The following PCLO variants were observed in gnomAD, a reference collection of about 807,000 sequenced individuals.
The protein encoded by PCLO is protein piccolo.
Under a neutral mutation model 427.5 loss-of-function variants are expected in PCLO, and 82 were observed. That is an observed-to-expected ratio of 0.19 (90% CI 0.16 to 0.23). The LOEUF (loss-of-function observed/expected upper bound fraction) is 0.23. PCLO is among the 10% of genes least tolerant of loss of function. The pLI is 1.00. For missense variants in PCLO, 6,239 were observed against 6,115.9 expected, an observed-to-expected ratio of 1.02 and a Z score of -0.67; for synonymous variants, 2,357 against 2,155.4, an observed-to-expected ratio of 1.09 and a Z score of -2.59.
intron 2 of PCLO, among the ~76,000 whole-genome samples, chr7:83,152,966 A>G (rs1206634468): frequency 6.6e-6 from 1 of 152,092 alleles, no homozygotes; most frequent in Non-Finnish European, 1.5e-5. Flanking sequence ...TCTTTCTTAC[A>G]TTGGATGTAG....
At chr7:82,888,858 T>A (rs910481647) in intron 9 of PCLO, among the ~76,000 whole-genome samples, 1 of 152,098 alleles carries the variant, frequency 6.6e-6, no homozygotes, top group Non-Finnish European at 1.5e-5. Context: ...ACAGAGCTAA[T>A]TGTGATCTAA....
chr7:83,051,528 A>G (rs900481333), intron 3 of PCLO, among the ~76,000 whole-genome samples: 1 of 152,192 alleles, frequency 6.6e-6, no homozygotes, highest in Non-Finnish European at 1.5e-5. Flanking sequence ...GAGGAAAACT[A>G]TACAGCTCTA....
intron 9 of PCLO, among the ~76,000 whole-genome samples, chr7:82,897,291 T>G (rs2116161601): frequency 6.6e-6 from 1 of 151,706 alleles, no homozygotes; most frequent in Admixed American, 6.6e-5. Context: ...TTGCCTTGTG[T>G]TTTGCTGAGT....
chr7:83,054,885 G>A (rs77199855), intron 3 of PCLO, among the ~76,000 whole-genome samples: 5,678 of 152,066 alleles, frequency 0.037, 184 homozygotes, highest in East Asian at 0.099. Flanking sequence ...TCCAACCATG[G>A]CACAATGAAG....
At chr7:82,809,574 C>A (rs1280963997) in intron 20 of PCLO, among the ~76,000 whole-genome samples, 1 of 148,416 alleles carries the variant, frequency 6.7e-6, no homozygotes, top group Non-Finnish European at 1.5e-5. Context: ...GTCCCGGAAC[C>A]ATGTTTGAAC....
intron 3 of PCLO, among the ~76,000 whole-genome samples, chr7:83,005,154 G>C (rs370482033): frequency 6.6e-6 from 1 of 151,432 alleles, no homozygotes; most frequent in African/African-American, 2.4e-5. Flanking sequence ...CAGCTTTTGG[G>C]TATATATTAA....
At chr7:82,824,207 C>T in intron 19 of PCLO, 29 bp downstream of exon 19, 1 of 1,514,502 alleles carries the variant, frequency 6.6e-7, no homozygotes, top group Non-Finnish European at 8.9e-7. Context: ...AGACACAAAA[C>T]TTTTTCTACT....
chr7:82,966,053 G>A lies in PCLO; in HGVS notation c.3735C>T (p.Asp1245=), dbSNP rs1255860485. 1 of 1,612,966 alleles carries A rather than the reference G, an allele frequency of 6.2e-7. No homozygotes were observed. Residue 1245 remains aspartate (D), a synonymous_variant, in exon 4 of 25, where the codon GAC becomes GAT. Transcript: ENST00000333891. Reference sequence around the variant, plus strand: ...TTTTTGCCTCTGGGAGTAGCTTTTTGTCTTCAGGGGTTGGCTTTTTTTCTT... The same window carrying A: ...TTTTTGCCTCTGGGAGTAGCTTTTTATCTTCAGGGGTTGGCTTTTTTTCTT... ...LLEEKKPTPE[D]KKLLPEAKTS... is the part of the protein sequence containing the mutation.
chr7:82,795,126 T>G (rs1209683966), intron 22 of PCLO, among the ~76,000 whole-genome samples: 1 of 152,172 alleles, frequency 6.6e-6, no homozygotes, highest in African/African-American at 2.4e-5. Context: ...TGAAAATTAT[T>G]TGGTATATGG....
intron 3 of PCLO, among the ~76,000 whole-genome samples, chr7:83,124,144 A>C (rs2116574126): frequency 6.6e-6 from 1 of 151,256 alleles, no homozygotes; most frequent in South Asian, 2.1e-4. Context: ...CCCTGTCTCT[A>C]CAAAAAATAC....
rs765554756 is a variant in PCLO at position 82,950,799 on chromosome 7, C to T, written c.9789G>A (p.Met3263Ile). The T allele has an allele frequency of 6.2e-7, 1 of 1,613,780 alleles. No individual in the cohort carries two copies. The highest frequency in any genetic ancestry group is 8.5e-7 in the Non-Finnish European group (1 of 1,179,860). Reference sequence around the variant, plus strand: ...CTTGCTGAAAGAGAAGGTGTTGCTTCATAGACTGCAGCTCCTCCAACTTTT... The same window carrying T: ...CTTGCTGAAAGAGAAGGTGTTGCTTTATAGACTGCAGCTCCTCCAACTTTT... The part of the protein sequence containing the change: ...VQKKLEELQS[M>I]KQHLLFQQEE... Residue 3263 changes from methionine (M) to isoleucine (I), a missense_variant, in exon 6 of 25, where the codon ATG becomes ATA. Physicochemically the swap from Met to Ile is conservative, Grantham distance 10 (BLOSUM62 1). Around this residue, in one of 5 missense-constraint regions of PCLO, gnomAD observed 4,677 missense variants for 4,468.4 expected, o/e 1.05. Coordinates refer to ENST00000333891, the MANE Select transcript of PCLO (RefSeq NM_033026.6).
At chr7:82,938,687 T>C (rs893423185) in intron 6 of PCLO, among the ~76,000 whole-genome samples, 1 of 152,006 alleles carries the variant, frequency 6.6e-6, no homozygotes, top group Non-Finnish European at 1.5e-5. Context: ...GTCAGATCAC[T>C]GGAAAATGAA....
intron 3 of PCLO, among the ~76,000 whole-genome samples, chr7:82,971,221 C>G (rs553128995): frequency 3.3e-5 from 5 of 151,672 alleles, no homozygotes; most frequent in Non-Finnish European, 7.4e-5. Flanking sequence ...GTATCAATGC[C>G]ATGTATGACT....
chr7:83,107,414 A>C (rs1395233249), intron 3 of PCLO, among the ~76,000 whole-genome samples: 1 of 152,116 alleles, frequency 6.6e-6, no homozygotes, highest in Non-Finnish European at 1.5e-5. Context: ...AACTACAATA[A>C]CATTTGCTTT....
intron 22 of PCLO, among the ~76,000 whole-genome samples, chr7:82,796,406 T>C (rs79915357): frequency 0.013 from 1,977 of 152,184 alleles, 24 homozygotes; most frequent in Non-Finnish European, 0.02. Context: ...ACTGAATAAC[T>C]TCTCTTCTAT....
chr7:83,115,952 T>C (rs773042133), intron 3 of PCLO, among the ~76,000 whole-genome samples: 5 of 151,770 alleles, frequency 3.3e-5, no homozygotes, highest in Admixed American at 6.6e-5. Context: ...CAAGCACACA[T>C]ATATAATACT....
intron 20 of PCLO, among the ~76,000 whole-genome samples, chr7:82,815,293 G>C (rs1332750085): frequency 7.2e-5 from 11 of 151,924 alleles, no homozygotes; most frequent in Admixed American, 1.3e-4. Flanking sequence ...CTTCCATAAA[G>C]AGGTTTTGTG....
chr7:82,950,823 T>C lies in PCLO; in HGVS notation c.9765A>G (p.Lys3255=), dbSNP rs763053804. The part of the protein sequence containing the change: ...FREQEKIMVQ[K]KLEELQSMKQ... ...TCATAGACTGCAGCTCCTCCAACTT[T>C]TTCTGAACCATGATCTTTTCTTGTT... The change falls in exon 6 of 25, where the codon AAA becomes AAG. Residue 3255 remains lysine, a synonymous_variant. Coordinates refer to ENST00000333891, the MANE Select transcript of PCLO (RefSeq NM_033026.6). The C allele has an allele frequency of 6.2e-7, 1 of 1,613,740 alleles. No homozygotes were observed. The highest frequency in any genetic ancestry group is 8.5e-7 in the Non-Finnish European group (1 of 1,179,862).
chr7:82,841,513 TA>T lies in PCLO; in HGVS notation c.14047-5del. On this transcript the variant is annotated splice_polypyrimidine_tract_variant and splice_region_variant and intron_variant, in intron 13 of 24. Coordinates refer to ENST00000333891, the MANE Select transcript of PCLO (RefSeq NM_033026.6). Reference sequence around the variant, plus strand: ...CAACCTTTGTTCCATCGGTAGGCTGTAATATTAAAGAACATATATTACATTA... The same window carrying T: ...CAACCTTTGTTCCATCGGTAGGCTGTATATTAAAGAACATATATTACATTA... 6.5e-7 allele frequency: 1 copy of T among 1,534,044 alleles called. No homozygotes were observed. The highest frequency in any genetic ancestry group is 9.0e-7 in the Non-Finnish European group (1 of 1,108,496).
Sources: allele counts gnomAD v4.1 joint callset (sites outside exome capture counted in the v4.1 genomes callset), GRCh38; gene constraint gnomAD v4.1.1; regional missense constraint gnomAD v4.1.1; transcripts MANE v1.5; gene names NCBI Gene and HGNC (gene_info 2026-07-23, HGNC 2026-07-21).